SHISA9: variants seen among roughly 807,000 people sequenced by gnomAD.
SHISA9 encodes the protein shisa family member 9, also known as protein shisa-9.
A neutral mutation model predicts 38.0 loss-of-function variants in SHISA9; 13 were observed. The ratio of observed to expected loss-of-function variants is 0.34; its 90% CI spans 0.22 to 0.54. The LOEUF (loss-of-function observed/expected upper bound fraction) is 0.54, where lower values mean the gene tolerates loss of function less well. Ranked by LOEUF, SHISA9 falls within the 20% of genes least tolerant of loss-of-function variation. SHISA9 has a pLI of 0.91. For synonymous variants in SHISA9, 275 were observed against 242.0 expected, an observed-to-expected ratio of 1.14 and a Z score of -1.27; for missense variants, 538 against 575.8, an observed-to-expected ratio of 0.93 and a Z score of 0.67.
chr16:12,907,483 G>T (rs934466), intron 1 of SHISA9, among the ~76,000 whole-genome samples: 93,156 of 151,576 alleles, frequency 0.61, 29,108 homozygotes, highest in South Asian at 0.73. Context: ...TATCTCAGCA[G>T]GGGGCTTTCC....
the SHISA9 span, among the ~76,000 whole-genome samples, chr16:13,560,940 T>G: frequency 1.9e-4 from 29 of 152,258 alleles, no homozygotes; most frequent in South Asian, 4.4e-3. Context: ...CTCGGCTCAC[T>G]GCAACCTCCA....
At chr16:13,383,646 ATATTTATT>A in the SHISA9 span, among the ~76,000 whole-genome samples, 1,298 of 152,132 alleles carry the variant, frequency 8.5e-3, 20 homozygotes, top group African/African-American at 0.029. Flanking sequence ...CACCAACCTA[ATATTTATT>A]TATTTATTTA....
At chr16:13,510,347 C>T in the SHISA9 span, among the ~76,000 whole-genome samples, 172 of 152,180 alleles carry the variant, frequency 1.1e-3, 1 homozygote, top group African/African-American at 3.8e-3. Flanking sequence ...TTCAGATAAG[C>T]GAAGTAATAT....
intron 2 of SHISA9, among the ~76,000 whole-genome samples, chr16:12,986,306 C>A (rs1344399071): frequency 6.6e-6 from 1 of 152,062 alleles, no homozygotes; most frequent in East Asian, 1.9e-4. Flanking sequence ...TCCTTCCTTC[C>A]CTTCTTGCTT....
chr16:13,487,417 T>C, the SHISA9 span, among the ~76,000 whole-genome samples: 1 of 152,022 alleles, frequency 6.6e-6, no homozygotes, highest in Non-Finnish European at 1.5e-5. Flanking sequence ...TGGCAGAAAA[T>C]GAAGAGGGAG....
intron 2 of SHISA9, among the ~76,000 whole-genome samples, chr16:12,999,541 C>G (rs1466491546): frequency 1.3e-5 from 2 of 152,174 alleles, no homozygotes; most frequent in African/African-American, 4.8e-5. Context: ...ATCTTAACAA[C>G]TGCCAAATAC....
rs56294705 is a variant in SHISA9 at position 13,218,823 on chromosome 16, T to C, written c.895+5523T>C. 3.0e-3 allele frequency among the ~76,000 whole-genome samples: 462 copies of C among 152,312 alleles called. 6 individuals are homozygous for C. The highest frequency in any genetic ancestry group is 0.011 in the African/African-American group (440 of 41,564). ...AGGAGGCACAAGACAATAGACAATGTGCAATAGGGTTACAGTTCCATTGGA... is the reference window on the plus strand; with the variant it reads ...AGGAGGCACAAGACAATAGACAATGCGCAATAGGGTTACAGTTCCATTGGA... On this transcript the variant is annotated intron_variant, in intron 4 of 4. Coordinates refer to ENST00000558583, the MANE Select transcript of SHISA9 (RefSeq NM_001145204.3).
At chr16:13,060,157 C>T (rs955595582) in intron 2 of SHISA9, among the ~76,000 whole-genome samples, 1 of 152,140 alleles carries the variant, frequency 6.6e-6, no homozygotes, top group Admixed American at 6.5e-5. Context: ...TCCAAGGTGC[C>T]GGTTTCCTCT....
At chr16:13,210,738 C>T (rs2051111048) in intron 3 of SHISA9, among the ~76,000 whole-genome samples, 1 of 152,198 alleles carries the variant, frequency 6.6e-6, no homozygotes, top group Admixed American at 6.5e-5. Context: ...ATCAGTACCC[C>T]CCGTTTTGCA....
intron 2 of SHISA9, among the ~76,000 whole-genome samples, chr16:12,939,010 T>G (rs1056901118): frequency 6.6e-6 from 1 of 152,090 alleles, no homozygotes; most frequent in Non-Finnish European, 1.5e-5. Flanking sequence ...AGATGATGTT[T>G]TGGGGGAAAA....
chr16:13,077,713 C>T (rs2073599547), intron 2 of SHISA9, among the ~76,000 whole-genome samples: 1 of 152,126 alleles, frequency 6.6e-6, no homozygotes, highest in Admixed American at 6.5e-5. Context: ...GCATAACTGG[C>T]TCAGACCCTC....
At chr16:13,538,884 G>A in the SHISA9 span, among the ~76,000 whole-genome samples, 1 of 151,486 alleles carries the variant, frequency 6.6e-6, no homozygotes, top group Admixed American at 6.6e-5. Context: ...AATCTTTTTT[G>A]GATTAAAAAA....
chr16:13,229,490 G>T (rs1046810424), intron 4 of SHISA9, among the ~76,000 whole-genome samples: 6 of 152,156 alleles, frequency 3.9e-5, no homozygotes, highest in Non-Finnish European at 8.8e-5. Context: ...AACGACAGAG[G>T]CTATCCCTGT....
intron 2 of SHISA9, among the ~76,000 whole-genome samples, chr16:13,146,692 G>T (rs1344011971): frequency 2.0e-5 from 3 of 152,274 alleles, no homozygotes; most frequent in South Asian, 2.1e-4. Flanking sequence ...AGTACAAAAA[G>T]TTTAAAAACT....
At chr16:13,008,664 TTC>T (rs1567179931) in intron 2 of SHISA9, among the ~76,000 whole-genome samples, 44 of 14,470 alleles carry the variant, frequency 3.0e-3, no homozygotes, top group African/African-American at 0.01. Context: ...CCTCCCTCCC[TTC>T]CTCCCTCCCT....
At chr16:12,970,688 T>G (rs1368694594) in intron 2 of SHISA9, among the ~76,000 whole-genome samples, 1 of 148,956 alleles carries the variant, frequency 6.7e-6, no homozygotes, top group Non-Finnish European at 1.5e-5. Context: ...TTTGTTGTTG[T>G]TGTTGTTGTA....
At chr16:13,252,307 A>G in the SHISA9 span, among the ~76,000 whole-genome samples, 1 of 152,140 alleles carries the variant, frequency 6.6e-6, no homozygotes, top group African/African-American at 2.4e-5. Flanking sequence ...TCCCTCCTCC[A>G]GGGGACATTT....
chr16:13,030,587 A>C (rs75686842), intron 2 of SHISA9, among the ~76,000 whole-genome samples: 5,261 of 152,258 alleles, frequency 0.035, 318 homozygotes, highest in African/African-American at 0.12. Flanking sequence ...TAGGGAACTC[A>C]ACCTGAGATC....
chr16:13,097,964 A>G (rs1008069198), intron 2 of SHISA9, among the ~76,000 whole-genome samples: 1 of 152,224 alleles, frequency 6.6e-6, no homozygotes, highest in African/African-American at 2.4e-5. Flanking sequence ...GAATACAGTC[A>G]ACATTAACTG....
Sources: allele counts gnomAD v4.1 joint callset (sites outside exome capture counted in the v4.1 genomes callset), GRCh38; gene constraint gnomAD v4.1.1; transcripts MANE v1.5; gene names NCBI Gene and HGNC (gene_info 2026-07-23, HGNC 2026-07-21).